WRN: variants seen among roughly 807,000 people sequenced by gnomAD.
WRN encodes WRN RecQ like helicase, also known as bifunctional 3'-5' exonuclease/ATP-dependent helicase WRN.
Under a neutral mutation model 180.7 loss-of-function variants are expected in WRN, and 149 were observed. The ratio of observed to expected loss-of-function variants is 0.82; its 90% CI spans 0.72 to 0.94. The LOEUF is 0.94. Among genes scored for constraint, WRN ranks in the 40% least tolerant of loss-of-function variants. The probability of loss-of-function intolerance (pLI) is 0.00; values close to 1 mark genes in which losing one functional copy is unlikely to be tolerated. For synonymous variants in WRN, 548 were observed against 568.9 expected, an observed-to-expected ratio of 0.96 and a Z score of 0.52; for missense variants, 1,661 against 1,700.1, an observed-to-expected ratio of 0.98 and a Z score of 0.40.
chr8:31,148,713 C>T (rs1030004824), intron 30 of WRN, among the ~76,000 whole-genome samples: 2 of 152,198 alleles, frequency 1.3e-5, no homozygotes, highest in African/African-American at 4.8e-5. Context: ...ATTCCTCTCT[C>T]TTGAATTCAT....
chr8:31,170,101 G>A (rs1373235455), intron 34 of WRN, among the ~76,000 whole-genome samples: 3 of 152,102 alleles, frequency 2.0e-5, no homozygotes, highest in African/African-American at 7.2e-5. Flanking sequence ...TACTGTGCAG[G>A]TCTTAATTGC....
chr8:31,036,877 T>C (rs1479980913), intron 1 of WRN, among the ~76,000 whole-genome samples: 1 of 152,118 alleles, frequency 6.6e-6, no homozygotes, highest in Non-Finnish European at 1.5e-5. Flanking sequence ...CCTTTGTCTA[T>C]TTTTGCTTTT....
At chr8:31,089,910 T>A (rs1157755233) in intron 13 of WRN, among the ~76,000 whole-genome samples, 1 of 151,976 alleles carries the variant, frequency 6.6e-6, no homozygotes, top group Non-Finnish European at 1.5e-5. Flanking sequence ...TCAGGGTCAA[T>A]CGAGGACACC....
At chr8:31,170,453 AG>A (rs1355537019) in intron 34 of WRN, among the ~76,000 whole-genome samples, 1 of 152,202 alleles carries the variant, frequency 6.6e-6, no homozygotes, top group Non-Finnish European at 1.5e-5. Context: ...GCTCATTCAC[AG>A]GTAAAATTGA....
At position 31,091,906 on chromosome 8, in the gene WRN, A is replaced by T. The variant is rs747292715; in HGVS notation, c.1898+8A>T. On this transcript the variant is annotated splice_region_variant and intron_variant, in intron 16 of 34. Transcript: ENST00000298139. ...TCTAACAGATATTAAATTGTGAGTA[A>T]TTTTTTTCCCTCAACTTTTATTTTG... The T allele has an allele frequency of 2.5e-6, 4 of 1,612,368 alleles. No homozygotes were observed. Among genetic ancestry groups the T allele is most frequent in the South Asian group, 2.2e-5 (2 of 91,048 alleles).
At chr8:31,109,534 T>C (rs928877305) in intron 18 of WRN, among the ~76,000 whole-genome samples, 1 of 152,218 alleles carries the variant, frequency 6.6e-6, no homozygotes, top group African/African-American at 2.4e-5. Context: ...CTTGCAAATG[T>C]CAGTTGCAAA....
At chr8:31,166,809 T>TC (rs1803888421) in intron 33 of WRN, among the ~76,000 whole-genome samples, 2 of 152,104 alleles carry the variant, frequency 1.3e-5, no homozygotes, top group Admixed American at 1.3e-4. Context: ...TGACCTGACT[T>TC]TGGATCTTGG....
At chr8:31,125,537 G>GAGATATATATATATATATATATATATAT (rs1365119717) in intron 23 of WRN, among the ~76,000 whole-genome samples, 3 of 63,766 alleles carry the variant, frequency 4.7e-5, no homozygotes, top group Non-Finnish European at 9.1e-5. Context: ...ATATTATGGA[G>GAGATATATATATATATATATATATATAT]ATATATATAT....
At chr8:31,094,339 C>G (rs1813872401) in intron 16 of WRN, among the ~76,000 whole-genome samples, 2 of 149,984 alleles carry the variant, frequency 1.3e-5, no homozygotes, top group African/African-American at 4.9e-5. Context: ...TTTCCCTTTT[C>G]TTTTCTTTCT....
At chr8:31,071,045 GAA>G (rs3056744) in intron 7 of WRN, among the ~76,000 whole-genome samples, 7,436 of 117,758 alleles carry the variant, frequency 0.063, 177 homozygotes, top group South Asian at 0.092. Context: ...CTCTGTCTCA[GAA>G]AAAAAAAAAA....
At chr8:31,169,580 A>T (rs1298158079) in intron 34 of WRN, among the ~76,000 whole-genome samples, 2 of 152,110 alleles carry the variant, frequency 1.3e-5, no homozygotes, top group African/African-American at 4.8e-5. Flanking sequence ...CAAAGATTTG[A>T]CCTTGATACT....
chr8:31,145,065 A>G (rs1257699724), intron 28 of WRN, among the ~76,000 whole-genome samples: 1 of 152,248 alleles, frequency 6.6e-6, no homozygotes, highest in African/African-American at 2.4e-5. Flanking sequence ...CATCTCCATA[A>G]CATAAAAGTG....
In WRN at chr8:31,040,311, C is replaced by T. The variant is rs1177767875; in HGVS notation, c.-77+6338C>T. Reference sequence around the variant, plus strand: ...AAAGTTTGAAGTTAAGAGGAATGGTCTAGGCTGTTTATATAACTTTGGAAG... The same window carrying T: ...AAAGTTTGAAGTTAAGAGGAATGGTTTAGGCTGTTTATATAACTTTGGAAG... On this transcript the variant is annotated intron_variant, in intron 1 of 34. Coordinates refer to ENST00000298139, the MANE Select transcript of WRN (RefSeq NM_000553.6). Among the ~76,000 whole-genome samples, 13 of 152,110 alleles carry T rather than the reference C, an allele frequency of 8.5e-5. No homozygotes were observed. In the East Asian group the frequency reaches 2.5e-3, roughly 29 times the overall value.
chr8:31,063,868 T>A (rs1332264326), intron 3 of WRN, among the ~76,000 whole-genome samples: 1 of 152,034 alleles, frequency 6.6e-6, no homozygotes, highest in East Asian at 1.9e-4. Context: ...GGACTACAGG[T>A]GTGTGCCACC....
rs745937507 is a variant in WRN, at chr8:31,059,305, C to T, written c.209+40C>T. Reference sequence around the variant, plus strand: ...TTTCCTGATTTTATTTGAATTTGGACCCTTAGAAGGTACTATTATGGTAAT... The same window carrying T: ...TTTCCTGATTTTATTTGAATTTGGATCCTTAGAAGGTACTATTATGGTAAT... On this transcript the variant is annotated intron_variant, in intron 3 of 34. Transcript: ENST00000298139. 4.7e-6 allele frequency: 7 copies of T among 1,503,672 alleles called. No individual in the cohort carries two copies. The East Asian group carries it at 1.6e-4, about 34-fold the overall frequency. The allele number at this position is 1,503,672 out of a possible 1,614,324, so 93.1% of individuals were successfully genotyped here. A position where few individuals can be genotyped will look rare whatever the true frequency, so the allele number is the denominator to read the frequency against.
At chr8:31,058,653 G>A (rs1421081157) in intron 2 of WRN, 110 bp downstream of exon 2, 16 of 1,135,084 alleles carry the variant, frequency 1.4e-5, no homozygotes, top group Non-Finnish European at 2.6e-6. Flanking sequence ...GGTCAGAGTT[G>A]CTGTTGTCTA....
At chr8:31,044,646 T>G (rs1811791698) in intron 1 of WRN, among the ~76,000 whole-genome samples, 1 of 152,220 alleles carries the variant, frequency 6.6e-6, no homozygotes, top group Non-Finnish European at 1.5e-5. Flanking sequence ...TGAGCCACTG[T>G]GCCCGGCCAA....
chr8:31,076,153 T>C lies in WRN; in HGVS notation c.725-20T>C, dbSNP rs776502759. The C allele has an allele frequency of 4.5e-6, 7 of 1,573,030 alleles. No homozygotes were observed. Among genetic ancestry groups the C allele is most frequent in the African/African-American group, 2.7e-5 (2 of 74,072 alleles). On this transcript the variant is annotated intron_variant, in intron 7 of 34. Transcript: ENST00000298139. ...CTGCTTTGTGGTTTGAAAATTAATA[T>C]TGATTTTTTTTCCCCCTAGAGGAAG... is the stretch of plus-strand genomic sequence containing the variant.
chr8:31,174,052 ATCAT>A lies in WRN; in HGVS notation c.*955_*958del, dbSNP rs1219991812. Among the ~76,000 whole-genome samples the A allele has an allele frequency of 1.3e-5, 2 of 152,256 alleles. No homozygotes were observed. Among genetic ancestry groups the A allele is most frequent in the African/African-American group, 4.8e-5 (2 of 41,470 alleles). On this transcript the variant is annotated 3_prime_UTR_variant, in exon 35 of 35. Transcript: ENST00000298139. ...GGAAGTGAGAAAAATGAAAATAAAA[ATCAT>A]TCATAGTTTTACTAGTAGCTAATCA... is the stretch of plus-strand genomic sequence containing the variant.
Sources: gnomAD v4.1 joint callset for allele counts (sites outside exome capture counted in the v4.1 genomes callset) on GRCh38, gnomAD v4.1.1 for gene constraint, MANE v1.5 for transcripts, NCBI Gene and HGNC (gene_info 2026-07-23, HGNC 2026-07-21) for gene names.